The following CCDC42 variants were observed in gnomAD, a reference collection of about 807,000 sequenced individuals.
The protein encoded by CCDC42 is coiled-coil domain containing 42, also known as coiled-coil domain-containing protein 42.
In CCDC42, 38 loss-of-function variants were observed where a neutral mutation model predicts 40.8. The ratio of observed to expected loss-of-function variants is 0.93; its 90% CI spans 0.72 to 1.22. The LOEUF (loss-of-function observed/expected upper bound fraction) is 1.22, where lower values mean the gene tolerates loss of function less well. Ranked by LOEUF, CCDC42 falls within the 50% of genes most tolerant of loss-of-function variation. CCDC42 has a pLI of 0.00. For synonymous variants in CCDC42, 135 were observed against 157.5 expected (o/e 0.86, Z 1.07); for missense variants, 379 against 416.5 (o/e 0.91, Z 0.78).
intron 6 of CCDC42, among the ~76,000 whole-genome samples, chr17:8,730,741 G>A (rs1056949324): frequency 6.6e-6 from 1 of 152,136 alleles, no homozygotes; most frequent in South Asian, 2.1e-4. Flanking sequence ...AACAGGGATG[G>A]AGTTGGGAAC....
At position 8,735,385 on chromosome 17, in the gene CCDC42, C is replaced by T; in HGVS notation, c.714+5G>A. ...GGAGCCCCCGGCCCGCCCCGGGCCC[C>T]TCACCCAGAAGATGACATTGCTGCG... is the stretch of plus-strand genomic sequence containing the variant. On this transcript the variant is annotated splice_donor_5th_base_variant and intron_variant, in intron 5 of 6. Transcript: ENST00000293845. This position sits in a 1 kb window ranked among gnomAD's most constrained non-coding sequence, Gnocchi z 4.7. The T allele has an allele frequency of 1.2e-6, 2 of 1,613,788 alleles. No homozygotes were observed. The highest frequency in any genetic ancestry group is 1.7e-5 in the Admixed American group (1 of 60,014).
intron 4 of CCDC42, among the ~76,000 whole-genome samples, chr17:8,740,623 A>C (rs2086637313): frequency 6.6e-6 from 1 of 151,680 alleles, no homozygotes; most frequent in South Asian, 2.1e-4. Context: ...AGAGAGAGGG[A>C]GGTGCCACTG....
chr17:8,743,699 AG>A lies in CCDC42; in HGVS notation c.220del (p.Leu74CysfsTer13). The A allele has an allele frequency of 3.9e-6, 6 of 1,526,782 alleles. No individual in the cohort carries two copies. The highest frequency in any genetic ancestry group is 5.5e-6 in the Non-Finnish European group (6 of 1,100,446). The allele number at this position is 1,526,782 out of a possible 1,614,324, so 94.6% of individuals were successfully genotyped here. Reference protein sequence around the residue: ...MFQRRMETLNLRWEELGVKEA... With the variant: ...MFQRRMETLNXRWEELGVKEA... ...CTTAACGCCCAGTTCCTCCCAGCGC[AG>A]GTTCAGGGTTTCCATTCTGCGCTGA... On this transcript the variant is annotated frameshift_variant, in exon 3 of 7. Transcript: ENST00000293845. LOFTEE classifies it high-confidence loss of function.
At position 8,735,081 on chromosome 17, in the gene CCDC42, G is replaced by T; in HGVS notation, c.873+15C>A. The T allele has an allele frequency of 6.2e-7, 1 of 1,613,998 alleles. No homozygotes were observed. The highest frequency in any genetic ancestry group is 8.5e-7 in the Non-Finnish European group (1 of 1,179,950). On this transcript the variant is annotated intron_variant, in intron 6 of 6. Transcript: ENST00000293845. This position sits in a 1 kb window ranked among gnomAD's most constrained non-coding sequence, Gnocchi z 4.7. ...AGCCGACCCCACGGGCCCAGTGCCTGTCCCCTCCTCCTACCATGTCCAGCT... is the reference window on the plus strand; with the variant it reads ...AGCCGACCCCACGGGCCCAGTGCCTTTCCCCTCCTCCTACCATGTCCAGCT...
At chr17:8,734,945 T>C (rs2086600634) in intron 6 of CCDC42, 151 bp downstream of exon 6, 6 of 755,426 alleles carry the variant, frequency 7.9e-6, no homozygotes, top group South Asian at 3.6e-5. Flanking sequence ...GGCCCAGTAA[T>C]ACTCCTCACC....
intron 2 of CCDC42, 56 bp downstream of exon 2, chr17:8,744,023 C>A: frequency 7.8e-7 from 1 of 1,279,818 alleles, no homozygotes; most frequent in Non-Finnish European, 1.1e-6. Context: ...TCTCCCAGAG[C>A]CCCAGCCCAC....
chr17:8,736,928 G>A (rs1053689085), intron 4 of CCDC42, among the ~76,000 whole-genome samples: 1 of 143,748 alleles, frequency 7.0e-6, no homozygotes, highest in African/African-American at 2.6e-5. Context: ...GAAGAAGAAA[G>A]CAGAAGAAGA....
intron 6 of CCDC42, among the ~76,000 whole-genome samples, chr17:8,731,762 T>C (rs2086581763): frequency 6.6e-6 from 1 of 151,114 alleles, no homozygotes; most frequent in Admixed American, 6.6e-5. Flanking sequence ...GGGTGGAGAG[T>C]GGGAGGAGGG....
At position 8,735,419 on chromosome 17, in the gene CCDC42, C is replaced by A; in HGVS notation, c.685G>T (p.Asp229Tyr). Residue 229 changes from aspartate to tyrosine, a missense_variant, in exon 5 of 7, where the codon GAC becomes TAC. Physicochemically the swap from Asp to Tyr is radical, Grantham distance 160 (BLOSUM62 -3). Transcript: ENST00000293845. This position sits in a 1 kb window ranked among gnomAD's most constrained non-coding sequence, Gnocchi z 4.7. ...NELARLQMRF[D>Y]RARSNVIFWE... ...AAGATGACATTGCTGCGGGCACGGT[C>A]AAAGCGCATCTGCAGCCTTGCCAGC... 1 of 1,614,000 alleles carries A rather than the reference C, an allele frequency of 6.2e-7. No homozygotes were observed. The highest frequency in any genetic ancestry group is 1.1e-5 in the South Asian group (1 of 91,070).
In CCDC42 at chr17:8,743,644, C is replaced by T; in HGVS notation, c.276G>A (p.Lys92=). The T allele has an allele frequency of 6.2e-7, 1 of 1,610,438 alleles. No individual in the cohort carries two copies. Among genetic ancestry groups the T allele is most frequent in the Non-Finnish European group, 8.5e-7 (1 of 1,176,710 alleles). Residue 92 remains lysine, a synonymous_variant, in exon 3 of 7, where the codon AAG becomes AAA. Transcript: ENST00000293845. ...KEAQLKAHIQ[K]SEQFIQENDQ... ...TTCAAACCTGGATGAACTGCTCAGA[C>T]TTCTGGATGTGAGCCTTCAGTTGGG...
intron 4 of CCDC42, among the ~76,000 whole-genome samples, chr17:8,740,658 G>A (rs1033398151): frequency 3.0e-4 from 46 of 152,068 alleles, no homozygotes; most frequent in African/African-American, 1.0e-3. Flanking sequence ...GGGGGTTTCC[G>A]GGAGGGGCAT....
In CCDC42 at chr17:8,744,518, G is replaced by T; in HGVS notation, c.83+9C>A. Reference sequence around the variant, plus strand: ...AGAGGGGTGGGCAAGCCAGGCCTCAGACACTCACTGGAGCATCTGCAGCAG... The same window carrying T: ...AGAGGGGTGGGCAAGCCAGGCCTCATACACTCACTGGAGCATCTGCAGCAG... On this transcript the variant is annotated intron_variant, in intron 1 of 6. Coordinates refer to ENST00000293845, the MANE Select transcript of CCDC42 (RefSeq NM_144681.3). 1 of 1,608,844 alleles carries T rather than the reference G, an allele frequency of 6.2e-7. No individual in the cohort carries two copies.
At chr17:8,741,316 C>T (rs557815688) in intron 4 of CCDC42, among the ~76,000 whole-genome samples, 158 bp downstream of exon 4, 8 of 152,304 alleles carry the variant, frequency 5.3e-5, no homozygotes, top group South Asian at 2.1e-4. Context: ...TGCATCTCCT[C>T]GGAGCAGGGT....
At chr17:8,744,253 C>T (rs1292554637) in intron 1 of CCDC42, 69 bp from the exon 2 acceptor site, 3 of 1,199,822 alleles carry the variant, frequency 2.5e-6, no homozygotes, top group East Asian at 2.3e-5. Context: ...GGGAGTAACC[C>T]GTGGAGACAG....
chr17:8,744,481 G>A (rs747528374), intron 1 of CCDC42, 46 bp downstream of exon 1: 1 of 1,480,584 alleles, frequency 6.8e-7, no homozygotes. Context: ...GGGTGTGAGT[G>A]GTCCCAGGCA....
At chr17:8,732,543 G>A (rs1454822115) in intron 6 of CCDC42, among the ~76,000 whole-genome samples, 2 of 152,094 alleles carry the variant, frequency 1.3e-5, no homozygotes, top group Non-Finnish European at 2.9e-5. Context: ...GCTTTCCCAA[G>A]ATGACAGAGA....
rs763854626 is a variant in CCDC42 at position 8,744,627 on chromosome 17, G to A, written c.-18C>T. The stretch of plus-strand genomic sequence containing the variant: ...AGACTCATGGTGGCAGTGACCTCAC[G>A]GCCCAGGCAGCTGACTCTTCACAGT... On this transcript the variant is annotated 5_prime_UTR_variant, in exon 1 of 7. Transcript: ENST00000293845. 18 of 1,583,284 alleles carry A rather than the reference G, an allele frequency of 1.1e-5. No homozygotes were observed. The South Asian group carries it at 1.5e-4, about 14-fold the overall frequency.
intron 6 of CCDC42, among the ~76,000 whole-genome samples, chr17:8,733,414 A>G (rs1173549551): frequency 6.6e-6 from 1 of 152,174 alleles, no homozygotes; most frequent in East Asian, 1.9e-4. Context: ...CAGAAACTCA[A>G]AATTTGGAGT....
At chr17:8,744,464 A>T (rs2086665611) in intron 1 of CCDC42, 63 bp downstream of exon 1, 1 of 1,299,552 alleles carries the variant, frequency 7.7e-7, no homozygotes, top group African/African-American at 1.5e-5. Context: ...AAGATGAGGT[A>T]TGGGGTGGGT....
Sources: allele counts gnomAD v4.1 joint callset (sites outside exome capture counted in the v4.1 genomes callset), GRCh38; gene constraint gnomAD v4.1.1; non-coding constraint Gnocchi (gnomAD v3.1); transcripts MANE v1.5; gene names NCBI Gene and HGNC (gene_info 2026-07-23, HGNC 2026-07-21).